The following ACACA variants were observed in gnomAD, a reference collection of about 807,000 sequenced individuals.
ACACA encodes acetyl-CoA carboxylase alpha.
Under a neutral mutation model 296.1 loss-of-function variants are expected in ACACA, and 103 were observed. The observed-to-expected ratio is 0.35, with a 90% CI of 0.30 to 0.41. ACACA has a LOEUF of 0.41. Ranked by LOEUF, ACACA falls within the 10% of genes least tolerant of loss-of-function variation. ACACA has a pLI of 1.00. For synonymous variants in ACACA, 953 were observed against 1,038.6 expected, an observed-to-expected ratio of 0.92 and a Z score of 1.58; for missense variants, 1,554 against 2,989.7, an observed-to-expected ratio of 0.52 and a Z score of 11.20.
intron 9 of ACACA, among the ~76,000 whole-genome samples, chr17:37,272,212 C>T (rs961911178): frequency 2.0e-5 from 3 of 151,840 alleles, no homozygotes; most frequent in South Asian, 4.2e-4. Flanking sequence ...GGCATGGTGG[C>T]GGTAACCTGT....
chr17:37,131,057 G>C, intron 45 of ACACA, among the ~76,000 whole-genome samples: 1 of 149,672 alleles, frequency 6.7e-6, no homozygotes, highest in Non-Finnish European at 1.5e-5. Context: ...ATGAACCCCT[G>C]AGTCTCAAGT....
intron 12 of ACACA, 56 bp downstream of exon 12, chr17:37,259,304 T>C: frequency 6.2e-7 from 1 of 1,604,444 alleles, no homozygotes; most frequent in Non-Finnish European, 8.5e-7. Context: ...GTTAAACCCA[T>C]TTTTCAGGCC....
intron 39 of ACACA, among the ~76,000 whole-genome samples, chr17:37,184,484 A>G (rs564027867): frequency 6.6e-6 from 1 of 152,326 alleles, no homozygotes; most frequent in South Asian, 2.1e-4. Flanking sequence ...GCTCCCAGTT[A>G]GTCACCTTAC....
At chr17:37,279,821 CT>C (rs1296501373) in intron 5 of ACACA, among the ~76,000 whole-genome samples, 2 of 151,894 alleles carry the variant, frequency 1.3e-5, no homozygotes, top group Non-Finnish European at 2.9e-5. Context: ...ATTGTCCCAC[CT>C]CAAAGACAAC....
rs763424747 is a variant in ACACA, at chr17:37,277,096, C to G, written c.739G>C (p.Gly247Arg). 1 of 1,613,958 alleles carries G rather than the reference C, an allele frequency of 6.2e-7. No homozygotes were observed. Residue 247 changes from glycine to arginine, a missense_variant, in exon 7 of 56, where the codon GGT becomes CGT. Gly to Arg is a moderately radical substitution (Grantham distance 125). Coordinates refer to ENST00000616317, the MANE Select transcript of ACACA (RefSeq NM_198834.3). The stretch of plus-strand genomic sequence containing the variant: ...AGTTTGGGATTCTCAGAAGCATGAC[C>G]CCAGCCAGCCCACACTGCCTGCAAG... ...IPVQAVWAGW[G>R]HASENPKLPE...
intron 1 of ACACA, among the ~76,000 whole-genome samples, chr17:37,380,580 G>C (rs1371555895): frequency 6.6e-6 from 1 of 151,880 alleles, no homozygotes; most frequent in Non-Finnish European, 1.5e-5. Flanking sequence ...TCTTTCAACA[G>C]TTTTTTAAAA....
intron 29 of ACACA, among the ~76,000 whole-genome samples, chr17:37,211,436 TAATC>T (rs1436811815): frequency 6.6e-6 from 1 of 152,174 alleles, no homozygotes; most frequent in Non-Finnish European, 1.5e-5. Context: ...AACTGAAAAA[TAATC>T]AAACAAATAA....
At chr17:37,205,463 A>T (rs1478508321) in intron 33 of ACACA, among the ~76,000 whole-genome samples, 2 of 152,194 alleles carry the variant, frequency 1.3e-5, no homozygotes, top group African/African-American at 4.8e-5. Context: ...GAAAGTCACC[A>T]AAGGAAAATA....
chr17:37,356,360 A>G (rs757362567), intron 1 of ACACA, among the ~76,000 whole-genome samples: 2 of 151,934 alleles, frequency 1.3e-5, no homozygotes, highest in African/African-American at 2.4e-5. Flanking sequence ...GATACTTGAC[A>G]CATAGCTCCT....
intron 52 of ACACA, among the ~76,000 whole-genome samples, chr17:37,108,241 T>TG: frequency 6.6e-6 from 1 of 152,154 alleles, no homozygotes; most frequent in Non-Finnish European, 1.5e-5. Context: ...ATCACAGACC[T>TG]GCAAACTAGT....
rs531954344 is a variant in ACACA, at chr17:37,330,837, T to C, written c.86-412A>G. Among the ~76,000 whole-genome samples, 10 of 152,326 alleles carry C rather than the reference T, an allele frequency of 6.6e-5. No homozygotes were observed. In the South Asian group the frequency reaches 1.4e-3, roughly 22 times the overall value. On this transcript the variant is annotated intron_variant, in intron 2 of 55. Coordinates refer to ENST00000616317, the MANE Select transcript of ACACA (RefSeq NM_198834.3). Reference sequence around the variant, plus strand: ...AAGGGTCTGGATAGAGTAATGGTTGTTTGAAATAATATTTAAACTACATAA... The same window carrying C: ...AAGGGTCTGGATAGAGTAATGGTTGCTTGAAATAATATTTAAACTACATAA...
chr17:37,141,933 C>T (rs983670512), intron 45 of ACACA, among the ~76,000 whole-genome samples: 5 of 151,832 alleles, frequency 3.3e-5, no homozygotes, highest in South Asian at 2.1e-4. Context: ...TCAGGTGATC[C>T]GCCTGCCTCT....
At position 37,339,852 on chromosome 17, in the gene ACACA, TAGAG is replaced by T. The variant is rs2048304456; in HGVS notation, c.39-6_39-3del. On this transcript the variant is annotated splice_region_variant and splice_polypyrimidine_tract_variant and intron_variant, in intron 1 of 55. Coordinates refer to ENST00000616317, the MANE Select transcript of ACACA (RefSeq NM_198834.3). ...GTAGATATCCACTTCCAAAAAGACC[TAGAG>T]AGAAAGAGAAAGATTTTAAGGTTTT... The T allele has an allele frequency of 3.9e-6, 5 of 1,266,976 alleles. No individual in the cohort carries two copies. Among genetic ancestry groups the T allele is most frequent in the South Asian group, 3.8e-5 (3 of 79,742 alleles). 78.5% of individuals were successfully genotyped at this position (1,266,976 alleles called of 1,614,324 possible).
chr17:37,346,083 GA>G (rs990205635), intron 1 of ACACA, among the ~76,000 whole-genome samples: 16 of 151,290 alleles, frequency 1.1e-4, no homozygotes, highest in African/African-American at 2.2e-4. Flanking sequence ...ATCTCTAGAG[GA>G]AAAAAAACCC....
Position 37,155,734 on chromosome 17 carries a change from C to A in ACACA, c.5396G>T (p.Ser1799Ile). ...TTCACAATGGACAGAGTTGAGAGCA[C>A]TGACTCTCTTATAATCTTGAGGAGT... The part of the protein sequence containing the change: ...YLTPQDYKRV[S>I]ALNSVHCEHV... The change falls in exon 43 of 56, where the codon AGT becomes ATT. Residue 1799 changes from serine (S) to isoleucine (I), a missense_variant. This residue lies in a region of ACACA where 553 missense variants were observed against 1,043.6 expected (regional missense o/e 0.53). Coordinates refer to ENST00000616317, the MANE Select transcript of ACACA (RefSeq NM_198834.3). The A allele has an allele frequency of 6.2e-7, 1 of 1,611,710 alleles. No individual in the cohort carries two copies. Among genetic ancestry groups the A allele is most frequent in the Non-Finnish European group, 8.5e-7 (1 of 1,179,174 alleles).
chr17:37,095,353 AACC>A (rs1436856001), intron 54 of ACACA, among the ~76,000 whole-genome samples: 4 of 152,238 alleles, frequency 2.6e-5, no homozygotes, highest in African/African-American at 9.6e-5. Context: ...CCTTAACCTG[AACC>A]AAATGTCGGA....
chr17:37,164,015 C>A (rs2076566689), intron 41 of ACACA, among the ~76,000 whole-genome samples: 1 of 152,148 alleles, frequency 6.6e-6, no homozygotes, highest in Admixed American at 6.5e-5. Flanking sequence ...GCCTGTTTCC[C>A]CTATACCTGG....
At chr17:37,262,212 T>G (rs1244507926) in intron 11 of ACACA, among the ~76,000 whole-genome samples, 1 of 152,214 alleles carries the variant, frequency 6.6e-6, no homozygotes, top group Non-Finnish European at 1.5e-5. Flanking sequence ...TCGAAATTTT[T>G]GCTGAGCACA....
intron 1 of ACACA, among the ~76,000 whole-genome samples, chr17:37,376,345 G>C (rs974919709): frequency 6.6e-6 from 1 of 152,210 alleles, no homozygotes; most frequent in African/African-American, 2.4e-5. Context: ...TCTGTTTCAT[G>C]ATGAGAGGTC....
Sources: gnomAD v4.1 joint callset for allele counts (sites outside exome capture counted in the v4.1 genomes callset) on GRCh38, gnomAD v4.1.1 for gene constraint, gnomAD v4.1.1 regional missense constraint, MANE v1.5 for transcripts, NCBI Gene and HGNC (gene_info 2026-07-23, HGNC 2026-07-21) for gene names.